Variants in TNFRSF10B observed in about 807,000 individuals in gnomAD.
TNFRSF10B encodes the protein TNF receptor superfamily member 10b.
In TNFRSF10B, 35 loss-of-function variants were observed where a neutral mutation model predicts 41.4. The observed-to-expected ratio is 0.85, with a 90% CI of 0.65 to 1.12. The LOEUF (loss-of-function observed/expected upper bound fraction) is 1.12. TNFRSF10B is among the 50% of genes most tolerant of loss of function. The pLI, the probability that TNFRSF10B is intolerant of heterozygous loss-of-function variation, is 0.00. For missense variants in TNFRSF10B, 584 were observed against 552.7 expected (o/e 1.06, Z -0.57); for synonymous variants, 230 against 215.5 (o/e 1.07, Z -0.59).
intron 2 of TNFRSF10B, among the ~76,000 whole-genome samples, chr8:23,038,057 A>T (rs1027423848): frequency 1.3e-5 from 2 of 152,208 alleles, no homozygotes; most frequent in African/African-American, 4.8e-5. Flanking sequence ...CAACAGGCGA[A>T]AACCAGTTAC....
intron 2 of TNFRSF10B, among the ~76,000 whole-genome samples, chr8:23,039,009 T>C (rs1812098286): frequency 6.6e-6 from 1 of 152,024 alleles, no homozygotes; most frequent in East Asian, 1.9e-4. Flanking sequence ...TAACGTAGAA[T>C]CAGTGGAAGC....
At chr8:23,026,189 AG>A (rs534634571) in intron 7 of TNFRSF10B, among the ~76,000 whole-genome samples, 234 of 152,370 alleles carry the variant, frequency 1.5e-3, no homozygotes, top group Non-Finnish European at 2.8e-3. Flanking sequence ...TACAGATGCA[AG>A]GAAGAAACAG....
chr8:23,028,746 C>G (rs1345403643), intron 4 of TNFRSF10B, 144 bp from the exon 5 acceptor site: 1 of 1,020,090 alleles, frequency 9.8e-7, no homozygotes, highest in African/African-American at 1.6e-5. Context: ...GTGGGTCCCC[C>G]TGTGCTCCCT....
At chr8:23,066,070 C>T (rs567248419) in intron 1 of TNFRSF10B, among the ~76,000 whole-genome samples, 8 of 152,128 alleles carry the variant, frequency 5.3e-5, no homozygotes, top group Admixed American at 3.3e-4. Context: ...ATTCCTTGAG[C>T]GCAGGAGTTT....
chr8:23,057,036 C>CTTT (rs138262629), intron 1 of TNFRSF10B, among the ~76,000 whole-genome samples: 3 of 135,910 alleles, frequency 2.2e-5, no homozygotes, highest in Non-Finnish European at 3.1e-5. Context: ...TCTTTTATGA[C>CTTT]TTTTTTTTTT....
intron 8 of TNFRSF10B, among the ~76,000 whole-genome samples, 178 bp downstream of exon 8, chr8:23,024,010 T>C (rs1369417313): frequency 1.3e-5 from 2 of 151,496 alleles, no homozygotes; most frequent in African/African-American, 2.4e-5. Flanking sequence ...GAGGATGAGG[T>C]AGAGTGGGGA....
intron 5 of TNFRSF10B, 166 bp from the exon 6 acceptor site, chr8:23,027,919 G>A (rs1187811892): frequency 2.7e-6 from 2 of 749,776 alleles, no homozygotes; most frequent in East Asian, 2.7e-5. Flanking sequence ...CCCTGAGGAA[G>A]GGGGATGAGA....
Position 23,021,368 on chromosome 8 carries a change from A to C in TNFRSF10B, c.*1303T>G, listed in dbSNP as rs907152215. On this transcript the variant is annotated 3_prime_UTR_variant, in exon 9 of 9. Coordinates refer to ENST00000276431, the MANE Select transcript of TNFRSF10B (RefSeq NM_003842.5). The stretch of plus-strand genomic sequence containing the variant: ...AGGCAGCTCATGGGCTCAGGGTGAC[A>C]GATAACCAGAAGTGAGCCGGGCCAT... 3 of 454,040 alleles carry C rather than the reference A, an allele frequency of 6.6e-6. No homozygotes were observed. The highest frequency in any genetic ancestry group is 1.3e-5 in the Non-Finnish European group (3 of 226,806). 28.1% of individuals were successfully genotyped at this position (454,040 alleles called of 1,614,324 possible).
At chr8:23,068,653 A>G in intron 1 of TNFRSF10B, 98 bp downstream of exon 1, 1 of 1,482,888 alleles carries the variant, frequency 6.7e-7, no homozygotes, top group Non-Finnish European at 9.0e-7. Flanking sequence ...GCCGCAGGCG[A>G]CCCGGGCCAC....
At chr8:23,060,365 G>A (rs955043792) in intron 1 of TNFRSF10B, among the ~76,000 whole-genome samples, 7 of 151,982 alleles carry the variant, frequency 4.6e-5, no homozygotes, top group African/African-American at 7.3e-5. Flanking sequence ...GTGGATATCC[G>A]GTTCTCCTAG....
intron 1 of TNFRSF10B, among the ~76,000 whole-genome samples, chr8:23,054,681 G>A (rs1812611381): frequency 1.3e-5 from 2 of 152,128 alleles, no homozygotes; most frequent in African/African-American, 2.4e-5. Context: ...CTGACCTGTG[G>A]TAAGTAAAGA....
chr8:23,045,342 G>A (rs1403425974), intron 1 of TNFRSF10B, among the ~76,000 whole-genome samples: 1 of 152,080 alleles, frequency 6.6e-6, no homozygotes, highest in Non-Finnish European at 1.5e-5. Flanking sequence ...CGGAAGAAAT[G>A]GATAAATTTC....
At chr8:23,036,334 A>G (rs1304554216) in intron 2 of TNFRSF10B, among the ~76,000 whole-genome samples, 1 of 152,240 alleles carries the variant, frequency 6.6e-6, no homozygotes, top group Non-Finnish European at 1.5e-5. Context: ...CAAGAAAGTT[A>G]CATGAAGAAG....
chr8:23,042,431 G>A (rs1189202362), intron 2 of TNFRSF10B, among the ~76,000 whole-genome samples: 1 of 152,314 alleles, frequency 6.6e-6, no homozygotes, highest in Admixed American at 6.5e-5. Context: ...GAAGAAGTGC[G>A]AGGCGAACAC....
chr8:23,030,966 G>T, intron 2 of TNFRSF10B, 94 bp from the exon 3 acceptor site: 2 of 860,802 alleles, frequency 2.3e-6, no homozygotes, highest in Non-Finnish European at 3.8e-6. Context: ...AGGGATGTGT[G>T]GAACCAAAAG....
rs1416573457 is a variant in TNFRSF10B at position 23,021,525 on chromosome 8, TG to T, written c.*1145del. The T allele has an allele frequency of 2.2e-6, 1 of 454,166 alleles. No individual in the cohort carries two copies. The allele number at this position is 454,166 out of a possible 1,614,324, so 28.1% of individuals were successfully genotyped here. On this transcript the variant is annotated 3_prime_UTR_variant, in exon 9 of 9. Transcript: ENST00000276431. ...AGCCCAAACAGGGCTCAAGTTCACT[TG>T]GGATATGACATAGACCCTATTGTTA...
chr8:23,031,775 T>C (rs942582059), intron 2 of TNFRSF10B, among the ~76,000 whole-genome samples: 1 of 152,162 alleles, frequency 6.6e-6, no homozygotes, highest in Non-Finnish European at 1.5e-5. Flanking sequence ...TGCATTTTAA[T>C]TTAATGTACC....
At chr8:23,027,438 C>G in intron 6 of TNFRSF10B, 150 bp from the exon 7 acceptor site, 1 of 1,001,530 alleles carries the variant, frequency 1.0e-6, no homozygotes, top group Non-Finnish European at 1.5e-6. Context: ...ACATCCAGGA[C>G]CCGCTGCTGG....
intron 1 of TNFRSF10B, among the ~76,000 whole-genome samples, chr8:23,056,626 G>A (rs1812673959): frequency 6.6e-6 from 1 of 150,552 alleles, no homozygotes; most frequent in African/African-American, 2.5e-5. Context: ...ATTCTAGCCT[G>A]GGCAACAGAG....
Sources: allele counts gnomAD v4.1 joint callset (sites outside exome capture counted in the v4.1 genomes callset), GRCh38; gene constraint gnomAD v4.1.1; transcripts MANE v1.5; gene names NCBI Gene and HGNC (gene_info 2026-07-23, HGNC 2026-07-21).